TGFB3: variants seen among roughly 807,000 people sequenced by gnomAD.
The protein encoded by TGFB3 is transforming growth factor beta-3 proprotein.
A neutral mutation model predicts 40.1 loss-of-function variants in TGFB3; 5 were observed. The observed-to-expected ratio is 0.12, with a 90% CI of 0.07 to 0.26. The LOEUF (loss-of-function observed/expected upper bound fraction) is 0.26, where lower values mean the gene tolerates loss of function less well. TGFB3 is among the 10% of genes least tolerant of loss of function. The pLI is 1.00. For synonymous variants in TGFB3, 184 were observed against 205.6 expected (o/e 0.89, Z 0.90); for missense variants, 373 against 530.1 (o/e 0.70, Z 2.91).
intron 4 of TGFB3, among the ~76,000 whole-genome samples, chr14:75,964,980 A>C (rs2035204469): frequency 1.3e-5 from 2 of 152,210 alleles, no homozygotes; most frequent in African/African-American, 4.8e-5. Flanking sequence ...TCCAGAGATC[A>C]TCAAGGCTGA....
rs3917197 is a variant in TGFB3, at chr14:75,964,096, G to A, written c.755-609C>T. Among the ~76,000 whole-genome samples the A allele has an allele frequency of 3.2e-4, 48 of 152,192 alleles. No homozygotes were observed. In the South Asian group the frequency reaches 9.1e-3, roughly 29 times the overall value. ...TCACCATGTTGGCCAGGCTGGTCTC[G>A]AACTCCTGACCTCAAGTGATCCGCC... On this transcript the variant is annotated intron_variant, in intron 4 of 6. Transcript: ENST00000238682.
chr14:75,969,211 C>T (rs2035257545), intron 3 of TGFB3, among the ~76,000 whole-genome samples: 1 of 152,134 alleles, frequency 6.6e-6, no homozygotes, highest in African/African-American at 2.4e-5. Flanking sequence ...GCCTAAAACA[C>T]CAAGGACTTA....
At position 75,971,110 on chromosome 14, in the gene TGFB3, T is replaced by A. The variant is rs1196969737; in HGVS notation, c.646+16A>T. 1.9e-6 allele frequency: 3 copies of A among 1,613,556 alleles called. No homozygotes were observed. In the Admixed American group the frequency reaches 5.0e-5, roughly 27 times the overall value. On this transcript the variant is annotated intron_variant, in intron 3 of 6. Coordinates refer to ENST00000238682, the MANE Select transcript of TGFB3 (RefSeq NM_003239.5). The surrounding 1 kb of genome is among the most constrained non-coding windows in gnomAD (Gnocchi z 4.5). ...TGAGGTTCATTCTGAAATGCTTATC[T>A]GAAGGGTCCACCTACCTCTTCTCAA...
chr14:75,962,136 G>A (rs1257273715), intron 5 of TGFB3, among the ~76,000 whole-genome samples: 1 of 152,152 alleles, frequency 6.6e-6, no homozygotes, highest in Non-Finnish European at 1.5e-5. Context: ...TGGAAAGAGA[G>A]AAAGCCTGAG....
intron 6 of TGFB3, among the ~76,000 whole-genome samples, chr14:75,959,869 C>T (rs781322124): frequency 1.4e-5 from 2 of 138,016 alleles, no homozygotes; most frequent in Non-Finnish European, 3.0e-5. Flanking sequence ...AACAACTGCA[C>T]TTGTTTGGGG....
In TGFB3 at chr14:75,959,064, C is replaced by T; in HGVS notation, c.*123G>A. 1.6e-6 allele frequency: 2 copies of T among 1,224,306 alleles called. No homozygotes were observed. The highest frequency in any genetic ancestry group is 1.2e-6 in the Non-Finnish European group (1 of 833,488). 75.8% of individuals were successfully genotyped at this position (1,224,306 alleles called of 1,614,324 possible). ...AGGAAACCTCCATCTCAGCCATTTG[C>T]CCGGAGCCGAAGGTTGTGGGCTCCA... On this transcript the variant is annotated 3_prime_UTR_variant, in exon 7 of 7. Coordinates refer to ENST00000238682, the MANE Select transcript of TGFB3 (RefSeq NM_003239.5).
chr14:75,982,193 T>C (rs1185485690), upstream of TGFB3, among the ~76,000 whole-genome samples: 16 of 152,344 alleles, frequency 1.1e-4, no homozygotes, highest in East Asian at 2.9e-3. This position sits in a 1 kb window ranked among gnomAD's most constrained non-coding sequence, Gnocchi z 4.0. Flanking sequence ...GAACTTTTTT[T>C]CCCCTCTTGG....
intron 3 of TGFB3, among the ~76,000 whole-genome samples, chr14:75,969,131 T>C (rs2035256498): frequency 6.6e-6 from 1 of 152,224 alleles, no homozygotes; most frequent in Non-Finnish European, 1.5e-5. Flanking sequence ...TGTTGATGAC[T>C]AGTCAAATCG....
intron 6 of TGFB3, among the ~76,000 whole-genome samples, chr14:75,959,702 C>T (rs11466442): frequency 6.6e-6 from 1 of 151,122 alleles, no homozygotes; most frequent in African/African-American, 2.4e-5. Context: ...ATCCAGGAAG[C>T]AGAGGTTGCA....
intron 3 of TGFB3, 72 bp from the exon 4 acceptor site, chr14:75,965,767 A>T: frequency 3.3e-6 from 4 of 1,194,278 alleles, no homozygotes; most frequent in Non-Finnish European, 5.0e-6. Context: ...CACCCATGCA[A>T]GGGTGAGCCA....
Position 75,971,256 on chromosome 14 carries a change from C to CTG in TGFB3, c.517-2_517-1insCA. Reference sequence around the variant, plus strand: ...CAATGTGCTCATCTGGCCGAAGGATCTACAGGGCAGAGAAAGGAGTGAGTA... The same window carrying CTG: ...CAATGTGCTCATCTGGCCGAAGGATCTGTACAGGGCAGAGAAAGGAGTGAGTA... On this transcript the variant is annotated splice_acceptor_variant, in intron 2 of 6. Transcript: ENST00000238682. LOFTEE classifies it high-confidence loss of function. This position sits in a 1 kb window ranked among gnomAD's most constrained non-coding sequence, Gnocchi z 4.5. The CTG allele has an allele frequency of 2.5e-6, 4 of 1,614,116 alleles. No homozygotes were observed. Among genetic ancestry groups the CTG allele is most frequent in the Non-Finnish European group, 3.4e-6 (4 of 1,180,020 alleles).
Position 75,960,783 on chromosome 14 carries a change from T to C in TGFB3, c.1080+140A>G, listed in dbSNP as rs577987722. The C allele has an allele frequency of 1.6e-5, 19 of 1,155,080 alleles. No individual in the cohort carries two copies. The East Asian group carries it at 4.6e-4, about 28-fold the overall frequency. 71.6% of individuals were successfully genotyped at this position (1,155,080 alleles called of 1,614,324 possible). On this transcript the variant is annotated intron_variant, in intron 6 of 6. Coordinates refer to ENST00000238682, the MANE Select transcript of TGFB3 (RefSeq NM_003239.5). ...GTAGAACTGAGTCAGGGTGCCAAGATCAGAACCTTCACCAGAGGAATTTTA... is the reference window on the plus strand; with the variant it reads ...GTAGAACTGAGTCAGGGTGCCAAGACCAGAACCTTCACCAGAGGAATTTTA...
At chr14:75,974,961 CAT>C (rs992854419) in intron 1 of TGFB3, among the ~76,000 whole-genome samples, 2 of 151,574 alleles carry the variant, frequency 1.3e-5, no homozygotes, top group Non-Finnish European at 2.9e-5. Context: ...CATGGTAGCA[CAT>C]GTCTGTTATT....
intron 3 of TGFB3, among the ~76,000 whole-genome samples, chr14:75,968,725 C>T (rs978045003): frequency 1.3e-5 from 2 of 152,132 alleles, no homozygotes; most frequent in Admixed American, 1.3e-4. Context: ...GGATGAAATT[C>T]CTGGGTACCC....
At chr14:75,961,308 A>C (rs777862669) in intron 5 of TGFB3, among the ~76,000 whole-genome samples, 3 of 152,254 alleles carry the variant, frequency 2.0e-5, no homozygotes, top group Non-Finnish European at 4.4e-5. Context: ...CATGAGGAAG[A>C]GTAAAGAGGC....
At chr14:75,968,742 C>G (rs946644946) in intron 3 of TGFB3, among the ~76,000 whole-genome samples, 1 of 152,202 alleles carries the variant, frequency 6.6e-6, no homozygotes, top group Non-Finnish European at 1.5e-5. Flanking sequence ...ACCCTTGGGA[C>G]TGGGGCAGGA....
Position 75,962,448 on chromosome 14 carries a change from A to G in TGFB3, c.926+868T>C, listed in dbSNP as rs4252355. On this transcript the variant is annotated intron_variant, in intron 5 of 6. Coordinates refer to ENST00000238682, the MANE Select transcript of TGFB3 (RefSeq NM_003239.5). ...ACCATCCTCATAAGACATGGTTTCCAGATCTAAATATTTCCCAATTCGTTC... is the reference window on the plus strand; with the variant it reads ...ACCATCCTCATAAGACATGGTTTCCGGATCTAAATATTTCCCAATTCGTTC... Among the ~76,000 whole-genome samples the G allele has an allele frequency of 5.7e-3, 864 of 152,268 alleles. 5 individuals carry two copies. The highest frequency in any genetic ancestry group is 9.5e-3 in the Non-Finnish European group (647 of 68,012).
At chr14:75,968,320 C>T (rs1346289018) in intron 3 of TGFB3, among the ~76,000 whole-genome samples, 1 of 152,058 alleles carries the variant, frequency 6.6e-6, no homozygotes, top group Non-Finnish European at 1.5e-5. Context: ...TGATGATTCC[C>T]CTGTGGGAAA....
rs769973876 is a variant in TGFB3, at chr14:75,978,895, C to A, written c.352+1647G>T. 1.3e-5 allele frequency among the ~76,000 whole-genome samples: 2 copies of A among 152,124 alleles called. No individual in the cohort carries two copies. Among genetic ancestry groups the A allele is most frequent in the Non-Finnish European group, 2.9e-5 (2 of 68,012 alleles). On this transcript the variant is annotated intron_variant, in intron 1 of 6. Coordinates refer to ENST00000238682, the MANE Select transcript of TGFB3 (RefSeq NM_003239.5). This position sits in a 1 kb window ranked among gnomAD's most constrained non-coding sequence, Gnocchi z 5.0. ...CCAGACCATGAAGGTCTGAGTCCTG[C>A]CCTCTTGCCCTGGACTCTCCTCACA...
Sources: allele counts gnomAD v4.1 joint callset (sites outside exome capture counted in the v4.1 genomes callset), GRCh38; gene constraint gnomAD v4.1.1; non-coding constraint Gnocchi (gnomAD v3.1); transcripts MANE v1.5; gene names NCBI Gene and HGNC (gene_info 2026-07-23, HGNC 2026-07-21).